PREX1: variants seen among roughly 807,000 people sequenced by gnomAD.
PREX1 encodes phosphatidylinositol 3,4,5-trisphosphate-dependent Rac exchanger 1 protein.
PREX1 carries 41 observed loss-of-function variants against 198.3 expected under a neutral mutation model. The observed-to-expected ratio is 0.21, with a 90% CI of 0.16 to 0.27. PREX1 has a LOEUF of 0.27. Among genes scored for constraint, PREX1 ranks in the 10% least tolerant of loss-of-function variants. The probability of loss-of-function intolerance (pLI) is 1.00; values close to 1 mark genes in which losing one functional copy is unlikely to be tolerated. For synonymous variants in PREX1, 843 were observed against 887.2 expected (o/e 0.95, Z 0.89); for missense variants, 1,620 against 2,200.7 (o/e 0.74, Z 5.28).
the PREX1 span, among the ~76,000 whole-genome samples, chr20:48,860,165 A>G: frequency 2.0e-5 from 3 of 152,280 alleles, no homozygotes; most frequent in Non-Finnish European, 4.4e-5. Context: ...CAAGTGTGGC[A>G]TCTACATGCA....
the PREX1 span, among the ~76,000 whole-genome samples, chr20:48,875,231 A>C: frequency 3.3e-5 from 5 of 152,204 alleles, no homozygotes; most frequent in Non-Finnish European, 5.9e-5. Flanking sequence ...TCCAGCCAAA[A>C]CCTGAAGGCC....
intron 30 of PREX1, among the ~76,000 whole-genome samples, chr20:48,638,319 CACA>C (rs1183220878): frequency 6.6e-6 from 1 of 152,170 alleles, no homozygotes; most frequent in African/African-American, 2.4e-5. Flanking sequence ...CACACAGACA[CACA>C]ACAGACACAC....
intron 7 of PREX1, among the ~76,000 whole-genome samples, chr20:48,695,157 T>C (rs1468238415): frequency 6.6e-6 from 1 of 152,186 alleles, no homozygotes; most frequent in African/African-American, 2.4e-5. Context: ...TATGCCCCTT[T>C]CCCATCACTG....
intron 1 of PREX1, among the ~76,000 whole-genome samples, chr20:48,799,232 TG>T (rs1435381739): frequency 1.3e-5 from 2 of 152,192 alleles, no homozygotes; most frequent in Non-Finnish European, 2.9e-5. Context: ...ATTTCTTGAG[TG>T]CCCACACATT....
rs140571602 is a variant in PREX1 at position 48,776,470 on chromosome 20, C to T, written c.220-28590G>A. On this transcript the variant is annotated intron_variant, in intron 1 of 39. Transcript: ENST00000371941. ...GCAGCTGGACTCCTTGGCAACCAGC[C>T]GCTGGAGCCTGGAAGCCAGGCATCA... is the stretch of plus-strand genomic sequence containing the variant. Among the ~76,000 whole-genome samples the T allele has an allele frequency of 1.2e-3, 187 of 152,314 alleles. 1 individual carries two copies. Among genetic ancestry groups the T allele is most frequent in the African/African-American group, 3.5e-3 (147 of 41,562 alleles).
chr20:48,779,548 T>G (rs1255305828), intron 1 of PREX1, among the ~76,000 whole-genome samples: 5 of 152,202 alleles, frequency 3.3e-5, no homozygotes, highest in Non-Finnish European at 5.9e-5. Context: ...CAAAAAGCTA[T>G]ACATAAATAT....
At chr20:48,716,576 G>A (rs2089963428) in intron 5 of PREX1, among the ~76,000 whole-genome samples, 2 of 152,202 alleles carry the variant, frequency 1.3e-5, no homozygotes, top group Non-Finnish European at 2.9e-5. Context: ...AGAGGAGGTG[G>A]TAAGGAGAGA....
At chr20:48,730,024 C>T (rs1951703533) in intron 4 of PREX1, among the ~76,000 whole-genome samples, 1 of 152,108 alleles carries the variant, frequency 6.6e-6, no homozygotes, top group Non-Finnish European at 1.5e-5. Flanking sequence ...GGAGCACCGA[C>T]GGCCGCTGGA....
At chr20:48,713,304 T>C (rs974009359) in intron 5 of PREX1, among the ~76,000 whole-genome samples, 1 of 150,794 alleles carries the variant, frequency 6.6e-6, no homozygotes, top group African/African-American at 2.4e-5. Context: ...ATATAAAAAT[T>C]AGCCAGGCAT....
Position 48,653,445 on chromosome 20 carries a change from G to C in PREX1, c.2262C>G (p.Val754=). ...GLCAGQCILK[V]NGSNVMNDGA... is the part of the protein sequence containing the mutation. ...CATCGTTCATCACGTTGCTGCCATT[G>C]ACCTTCAGAATGCACTGACCAGCAC... is the stretch of plus-strand genomic sequence containing the variant. The change falls in exon 20 of 40, where the codon GTC becomes GTG. Residue 754 remains valine (V), a synonymous_variant. Coordinates refer to ENST00000371941, the MANE Select transcript of PREX1 (RefSeq NM_020820.4). 1 of 1,613,852 alleles carries C rather than the reference G, an allele frequency of 6.2e-7. No homozygotes were observed. Among genetic ancestry groups the C allele is most frequent in the Non-Finnish European group, 8.5e-7 (1 of 1,180,018 alleles).
intron 1 of PREX1, among the ~76,000 whole-genome samples, chr20:48,803,198 G>A (rs1203744013): frequency 2.0e-5 from 3 of 152,170 alleles, no homozygotes; most frequent in African/African-American, 4.8e-5. Flanking sequence ...AAAGGCTCAC[G>A]GCAGGCCCAC....
intron 1 of PREX1, among the ~76,000 whole-genome samples, chr20:48,823,148 C>T (rs1481447939): frequency 5.3e-5 from 8 of 152,172 alleles, no homozygotes; most frequent in Non-Finnish European, 7.3e-5. Context: ...CAGAGACTCC[C>T]ATCCTGGTCG....
intron 15 of PREX1, among the ~76,000 whole-genome samples, chr20:48,663,139 C>T (rs1164121903): frequency 6.6e-6 from 1 of 152,220 alleles, no homozygotes; most frequent in Non-Finnish European, 1.5e-5. Context: ...GAGTCCTATT[C>T]CCACAGAACT....
At position 48,798,608 on chromosome 20, in the gene PREX1, T is replaced by C. The variant is rs527600735; in HGVS notation, c.219+29034A>G. Among the ~76,000 whole-genome samples, 16 of 152,320 alleles carry C rather than the reference T, an allele frequency of 1.1e-4. No individual in the cohort carries two copies. In the South Asian group the frequency reaches 1.7e-3, roughly 16 times the overall value. On this transcript the variant is annotated intron_variant, in intron 1 of 39. Transcript: ENST00000371941. ...CTTTCCCACCTCCCAGCCCATGCGCTTGCAAACTGAAGTGTACCTGTCAAT... is the reference window on the plus strand; with the variant it reads ...CTTTCCCACCTCCCAGCCCATGCGCCTGCAAACTGAAGTGTACCTGTCAAT...
chr20:48,837,371 G>A, the PREX1 span, among the ~76,000 whole-genome samples: 7 of 152,138 alleles, frequency 4.6e-5, no homozygotes, highest in Non-Finnish European at 1.0e-4. Context: ...ACATACACAC[G>A]TATGTTCATT....
At chr20:48,799,626 G>C (rs1280946472) in intron 1 of PREX1, among the ~76,000 whole-genome samples, 1 of 152,184 alleles carries the variant, frequency 6.6e-6, no homozygotes, top group Non-Finnish European at 1.5e-5. Flanking sequence ...AGACTGGAGG[G>C]GCCTTGGCTT....
intron 1 of PREX1, among the ~76,000 whole-genome samples, chr20:48,787,271 C>T (rs943817420): frequency 2.0e-5 from 3 of 151,870 alleles, no homozygotes; most frequent in Non-Finnish European, 2.9e-5. Flanking sequence ...GATCCCAGGA[C>T]GACACGGCAC....
intron 1 of PREX1, among the ~76,000 whole-genome samples, chr20:48,813,541 T>C (rs1339827819): frequency 6.6e-6 from 1 of 152,174 alleles, no homozygotes; most frequent in Non-Finnish European, 1.5e-5. Context: ...GGCACTGTGG[T>C]TACACAAGAG....
chr20:48,746,107 G>A (rs566771757), intron 2 of PREX1, among the ~76,000 whole-genome samples: 13 of 152,262 alleles, frequency 8.5e-5, no homozygotes, highest in East Asian at 1.9e-4. Flanking sequence ...TGCAACCTCC[G>A]TCTCCAGGGT....
Sources: allele counts gnomAD v4.1 joint callset (sites outside exome capture counted in the v4.1 genomes callset), GRCh38; gene constraint gnomAD v4.1.1; transcripts MANE v1.5; gene names NCBI Gene and HGNC (gene_info 2026-07-23, HGNC 2026-07-21).